The following CD99 variants were observed in gnomAD, a reference collection of about 807,000 sequenced individuals.
CD99 encodes CD99 antigen.
In CD99, 19 loss-of-function variants were observed where a neutral mutation model predicts 28.4. The ratio of observed to expected loss-of-function variants is 0.67; its 90% CI spans 0.47 to 0.98. The LOEUF (loss-of-function observed/expected upper bound fraction) is 0.98, where lower values mean the gene tolerates loss of function less well. Among genes scored for constraint, CD99 ranks in the 50% least tolerant of loss-of-function variants. The pLI is 0.00. For synonymous variants in CD99, 103 were observed against 92.1 expected, an observed-to-expected ratio of 1.12 and a Z score of -0.67; for missense variants, 283 against 248.8, an observed-to-expected ratio of 1.14 and a Z score of -0.92.
intron 1 of CD99, among the ~76,000 whole-genome samples, chrX:2,693,424 C>T (rs2047426857): frequency 6.6e-6 from 1 of 152,176 alleles, no homozygotes; most frequent in African/African-American, 2.4e-5. Flanking sequence ...AGGGCCTGGC[C>T]GTCAGCACTG....
intron 8 of CD99, among the ~76,000 whole-genome samples, chrX:2,727,550 C>T (rs1200548962): frequency 6.6e-6 from 1 of 152,148 alleles, no homozygotes; most frequent in African/African-American, 2.4e-5. Context: ...AATCTCAGCT[C>T]ACTGCAGTCT....
At chrX:2,707,845 C>T (rs1340846618) in intron 1 of CD99, among the ~76,000 whole-genome samples, 2 of 152,102 alleles carry the variant, frequency 1.3e-5, no homozygotes. Context: ...CATTTGTAGC[C>T]CCGGAGGTCG....
intron 8 of CD99, among the ~76,000 whole-genome samples, chrX:2,732,593 T>C (rs1260712441): frequency 1.3e-5 from 2 of 149,552 alleles, no homozygotes; most frequent in Non-Finnish European, 1.5e-5. Flanking sequence ...TTTCTTGAAC[T>C]CTCCCTCTTT....
intron 8 of CD99, 23 bp from the exon 9 acceptor site, chrX:2,738,177 G>A (rs1263811603): frequency 1.2e-6 from 2 of 1,611,278 alleles, no homozygotes; most frequent in Non-Finnish European, 1.7e-6. Flanking sequence ...GAGCCTCTCT[G>A]TGTATTTTCT....
intron 1 of CD99, among the ~76,000 whole-genome samples, chrX:2,709,909 A>C (rs754289377): frequency 1.6e-4 from 25 of 152,284 alleles, no homozygotes; most frequent in African/African-American, 5.8e-4. Flanking sequence ...TGGGTGGGCA[A>C]ATGGCCCCCC....
chrX:2,731,504 C>T (rs1351190813), intron 8 of CD99, among the ~76,000 whole-genome samples: 10 of 152,028 alleles, frequency 6.6e-5, no homozygotes, highest in African/African-American at 1.9e-4. Context: ...GCAGGAGAAT[C>T]GCTTGAACCC....
chrX:2,695,638 T>C (rs772577138), intron 1 of CD99, among the ~76,000 whole-genome samples: 1,136 of 68,516 alleles, frequency 0.017, 15 homozygotes, highest in African/African-American at 0.075. Context: ...AAAAAAAGTC[T>C]TTTTTTTTTT....
rs563954468 is a variant in CD99 at position 2,734,791 on chromosome X, T to C, written c.476-3409T>C. On this transcript the variant is annotated intron_variant, in intron 8 of 9. Coordinates refer to ENST00000381192, the MANE Select transcript of CD99 (RefSeq NM_002414.5). ...TTTCTGATTTCTTTTTTTTTCTTAT[T>C]TTCCTTTTTTTTTCATATTCCTTTT... Among the ~76,000 whole-genome samples the C allele has an allele frequency of 2.0e-5, 3 of 151,702 alleles. No individual in the cohort carries two copies. The South Asian group carries it at 6.2e-4, about 31-fold the overall frequency.
chrX:2,716,088 G>A (rs1227258980), intron 2 of CD99, among the ~76,000 whole-genome samples: 2 of 150,218 alleles, frequency 1.3e-5, no homozygotes, highest in African/African-American at 4.9e-5. Context: ...GCACGATCTC[G>A]GCTCACTGCA....
At chrX:2,734,174 A>G (rs966576550) in intron 8 of CD99, among the ~76,000 whole-genome samples, 4 of 147,914 alleles carry the variant, frequency 2.7e-5, no homozygotes, top group African/African-American at 9.9e-5. Flanking sequence ...ATTGATTTTA[A>G]CTTGTTTTCT....
chrX:2,717,473 A>C, intron 2 of CD99, 132 bp from the exon 3 acceptor site: 1 of 719,254 alleles, frequency 1.4e-6, no homozygotes, highest in Non-Finnish European at 2.5e-6. Flanking sequence ...CGGTGTGGGC[A>C]GGTGAGAAAA....
chrX:2,717,036 G>C (rs906102362), intron 2 of CD99, among the ~76,000 whole-genome samples: 5 of 152,130 alleles, frequency 3.3e-5, no homozygotes, highest in Admixed American at 2.6e-4. Context: ...CTCAGTCATA[G>C]TCCCATTCAA....
At chrX:2,712,912 C>T (rs1183622625) in intron 1 of CD99, among the ~76,000 whole-genome samples, 2 of 152,044 alleles carry the variant, frequency 1.3e-5, no homozygotes, top group African/African-American at 4.8e-5. Context: ...CAAACACATG[C>T]ATACATGCAC....
At chrX:2,706,054 C>T (rs990399625) in intron 1 of CD99, among the ~76,000 whole-genome samples, 6 of 112,206 alleles carry the variant, frequency 5.3e-5, no homozygotes, top group Non-Finnish European at 1.1e-4. Context: ...ACCTCCAAAA[C>T]GTTAAAAAGA....
intron 1 of CD99, among the ~76,000 whole-genome samples, chrX:2,697,143 G>C (rs1001323947): frequency 6.6e-6 from 1 of 152,224 alleles, no homozygotes; most frequent in Middle Eastern, 3.4e-3. Context: ...CTTTTGTTCC[G>C]CTCCCTCTGT....
intron 1 of CD99, among the ~76,000 whole-genome samples, chrX:2,693,150 G>GT (rs1556296914): frequency 0.014 from 1,987 of 146,966 alleles, 21 homozygotes; most frequent in Middle Eastern, 0.021. Context: ...GGTGGTGGTG[G>GT]TTTTTTTTTT....
chrX:2,726,848 C>T (rs2049312979), intron 8 of CD99, among the ~76,000 whole-genome samples: 2 of 152,068 alleles, frequency 1.3e-5, no homozygotes, highest in East Asian at 3.9e-4. Context: ...TAAAAGCCGG[C>T]ACAAGGCCGG....
intron 1 of CD99, among the ~76,000 whole-genome samples, chrX:2,697,484 G>A (rs1254928477): frequency 6.6e-6 from 1 of 152,102 alleles, no homozygotes; most frequent in Non-Finnish European, 1.5e-5. Context: ...GTTTGCCCAG[G>A]TAGCCTGACT....
chrX:2,727,316 C>G (rs1246311127), intron 8 of CD99: 1 of 779,322 alleles, frequency 1.3e-6, no homozygotes, highest in East Asian at 2.4e-5. Flanking sequence ...CTCTTTGGGA[C>G]CTTGTATTGG....
Sources: allele counts gnomAD v4.1 joint callset (sites outside exome capture counted in the v4.1 genomes callset), GRCh38; gene constraint gnomAD v4.1.1; transcripts MANE v1.5; gene names NCBI Gene and HGNC (gene_info 2026-07-23, HGNC 2026-07-21).